STX12: variants seen among roughly 807,000 people sequenced by gnomAD.
STX12 encodes syntaxin 12, also known as syntaxin-12.
STX12 carries 17 observed loss-of-function variants against 42.2 expected under a neutral mutation model. The observed-to-expected ratio is 0.40, with a 90% CI of 0.28 to 0.60. The LOEUF (loss-of-function observed/expected upper bound fraction) is 0.60, where lower values mean the gene tolerates loss of function less well. Among genes scored for constraint, STX12 ranks in the 20% least tolerant of loss-of-function variants. The pLI is 0.39. For missense variants in STX12, 297 were observed against 330.9 expected, an observed-to-expected ratio of 0.90 and a Z score of 0.79; for synonymous variants, 108 against 116.7, an observed-to-expected ratio of 0.93 and a Z score of 0.48.
intron 4 of STX12, among the ~76,000 whole-genome samples, chr1:27,804,148 G>A (rs564135126): frequency 6.6e-5 from 10 of 151,930 alleles, no homozygotes; most frequent in East Asian, 3.9e-4. Flanking sequence ...TTCTGTGGCC[G>A]GGCGCAGTGG....
At chr1:27,783,143 A>C (rs2088679169) in intron 1 of STX12, among the ~76,000 whole-genome samples, 1 of 152,198 alleles carries the variant, frequency 6.6e-6, no homozygotes, top group African/African-American at 2.4e-5. Flanking sequence ...TTGGAGATTC[A>C]GATTCTGCCG....
intron 1 of STX12, among the ~76,000 whole-genome samples, chr1:27,786,608 G>A (rs1223544708): frequency 6.6e-6 from 1 of 152,136 alleles, no homozygotes; most frequent in African/African-American, 2.4e-5. Context: ...TCGAAGGCAA[G>A]TGTCTTCTAG....
At chr1:27,820,571 A>G (rs912878700) in intron 8 of STX12, among the ~76,000 whole-genome samples, 2 of 152,202 alleles carry the variant, frequency 1.3e-5, no homozygotes, top group African/African-American at 2.4e-5. Flanking sequence ...TGTTTTAGAC[A>G]TGAAGTCCTT....
chr1:27,817,845 C>T lies in STX12; in HGVS notation c.577-6C>T, dbSNP rs577068602. 6.1e-5 allele frequency: 98 copies of T among 1,613,234 alleles called. 2 individuals carry two copies. In the South Asian group the frequency reaches 1.1e-3, roughly 17 times the overall value. ...ATGTTAGTTAATTGTTTTTTGTCTT[C>T]CTTAGGCTGACATTTTGGATGTCAA... On this transcript the variant is annotated splice_polypyrimidine_tract_variant and splice_region_variant and intron_variant, in intron 6 of 8. Coordinates refer to ENST00000373943, the MANE Select transcript of STX12 (RefSeq NM_177424.3).
intron 4 of STX12, among the ~76,000 whole-genome samples, chr1:27,808,205 A>G (rs1208229992): frequency 6.6e-6 from 1 of 152,124 alleles, no homozygotes; most frequent in Non-Finnish European, 1.5e-5. Flanking sequence ...CTGAGTGGAT[A>G]GAAATTTGAA....
chr1:27,799,944 G>A (rs917929908), intron 3 of STX12, among the ~76,000 whole-genome samples: 7 of 152,158 alleles, frequency 4.6e-5, no homozygotes, highest in African/African-American at 1.7e-4. Context: ...GTAGTGATGG[G>A]GTTTCACCAT....
chr1:27,795,267 T>A (rs1442692660), intron 3 of STX12, among the ~76,000 whole-genome samples: 2 of 152,064 alleles, frequency 1.3e-5, no homozygotes, highest in Non-Finnish European at 2.9e-5. Flanking sequence ...GTTTCATACA[T>A]ACATATGTGT....
intron 1 of STX12, among the ~76,000 whole-genome samples, chr1:27,776,532 A>G (rs919343961): frequency 6.6e-6 from 1 of 152,004 alleles, no homozygotes; most frequent in African/African-American, 2.4e-5. Context: ...TGGACAACAT[A>G]GTGAGACCCC....
chr1:27,795,452 C>T (rs970876677), intron 3 of STX12, among the ~76,000 whole-genome samples: 5 of 151,930 alleles, frequency 3.3e-5, no homozygotes, highest in Admixed American at 2.6e-4. Context: ...ATTGCAGGCA[C>T]CCACTACCAC....
At chr1:27,816,189 C>G (rs1355566043) in intron 6 of STX12, among the ~76,000 whole-genome samples, 1 of 152,060 alleles carries the variant, frequency 6.6e-6, no homozygotes, top group Non-Finnish European at 1.5e-5. Flanking sequence ...GTGGTACATC[C>G]TGTAATCCCA....
intron 3 of STX12, 133 bp downstream of exon 3, chr1:27,793,765 A>G: frequency 1.6e-6 from 1 of 635,646 alleles, no homozygotes; most frequent in South Asian, 2.0e-5. Context: ...TCAGTTTCTT[A>G]TCCATCAAGT....
intron 5 of STX12, among the ~76,000 whole-genome samples, chr1:27,811,354 C>T (rs912267446): frequency 6.7e-6 from 1 of 150,194 alleles, no homozygotes; most frequent in Non-Finnish European, 1.5e-5. Context: ...CCTGTAATCA[C>T]AGCACTTTGG....
At chr1:27,800,636 C>T (rs2088821678) in intron 3 of STX12, among the ~76,000 whole-genome samples, 2 of 152,056 alleles carry the variant, frequency 1.3e-5, no homozygotes, top group African/African-American at 4.8e-5. Context: ...TCAAATGATC[C>T]TCCTGCCCCA....
intron 1 of STX12, among the ~76,000 whole-genome samples, chr1:27,779,988 TC>T (rs2088656674): frequency 6.7e-6 from 1 of 149,670 alleles, no homozygotes; most frequent in African/African-American, 2.5e-5. Flanking sequence ...ACAGGGTTTC[TC>T]CATGTTGGTC....
At chr1:27,777,611 A>T (rs1571514339) in intron 1 of STX12, among the ~76,000 whole-genome samples, 1 of 152,164 alleles carries the variant, frequency 6.6e-6, no homozygotes, top group East Asian at 1.9e-4. Flanking sequence ...TCCAGGCCGG[A>T]CACGGTGACT....
chr1:27,798,760 G>A lies in STX12; in HGVS notation c.289-2918G>A, dbSNP rs548780126. Among the ~76,000 whole-genome samples, 18 of 124,350 alleles carry A rather than the reference G, an allele frequency of 1.4e-4. No homozygotes were observed. The South Asian group carries it at 3.4e-3, about 24-fold the overall frequency. 81.6% of individuals were successfully genotyped at this position (124,350 alleles called of 152,430 possible). ...CGTGCCACTGCACTCCAGACTGGAC[G>A]ACAGAGCGAGACTCCGTCTCAAAAA... is the stretch of plus-strand genomic sequence containing the variant. On this transcript the variant is annotated intron_variant, in intron 3 of 8. Transcript: ENST00000373943.
intron 5 of STX12, among the ~76,000 whole-genome samples, chr1:27,810,789 G>C (rs1166619253): frequency 6.6e-6 from 1 of 152,116 alleles, no homozygotes; most frequent in Non-Finnish European, 1.5e-5. Flanking sequence ...TTCAGAACTT[G>C]ATATGTTTTA....
intron 7 of STX12, among the ~76,000 whole-genome samples, chr1:27,819,386 TTCTTTCTC>T (rs2088967910): frequency 6.6e-6 from 1 of 152,182 alleles, no homozygotes; most frequent in Non-Finnish European, 1.5e-5. Flanking sequence ...TTATTATGTA[TTCTTTCTC>T]TCTTTCTCTA....
At chr1:27,816,097 C>T (rs2088939277) in intron 6 of STX12, among the ~76,000 whole-genome samples, 1 of 151,672 alleles carries the variant, frequency 6.6e-6, no homozygotes, top group Non-Finnish European at 1.5e-5. Flanking sequence ...GGGTGGATCA[C>T]CTGAGGTCAG....
Sources: allele counts gnomAD v4.1 joint callset (sites outside exome capture counted in the v4.1 genomes callset), GRCh38; gene constraint gnomAD v4.1.1; transcripts MANE v1.5; gene names NCBI Gene and HGNC (gene_info 2026-07-23, HGNC 2026-07-21).